MRRF: variants seen among roughly 807,000 people sequenced by gnomAD.
MRRF encodes ribosome-recycling factor, mitochondrial.
Under a neutral mutation model 25.1 loss-of-function variants are expected in MRRF, and 18 were observed. The ratio of observed to expected loss-of-function variants is 0.72; its 90% CI spans 0.50 to 1.06. The LOEUF (loss-of-function observed/expected upper bound fraction) is 1.06, where lower values mean the gene tolerates loss of function less well. Among genes scored for constraint, MRRF ranks in the 50% least tolerant of loss-of-function variants. The pLI is 0.00. For missense variants in MRRF, 323 were observed against 319.3 expected (o/e 1.01, Z -0.09); for synonymous variants, 113 against 112.1 (o/e 1.01, Z -0.05).
chr9:122,296,374 C>A (rs1413650670), intron 5 of MRRF, among the ~76,000 whole-genome samples: 1 of 152,114 alleles, frequency 6.6e-6, no homozygotes, highest in Non-Finnish European at 1.5e-5. Flanking sequence ...ATTTTAGGTA[C>A]CATTTATCAA....
At chr9:122,308,945 G>A (rs1835039930) in intron 5 of MRRF, among the ~76,000 whole-genome samples, 1 of 152,132 alleles carries the variant, frequency 6.6e-6, no homozygotes, top group South Asian at 2.1e-4. Flanking sequence ...TAAGTGTACA[G>A]TTCAGTGACA....
intron 1 of MRRF, among the ~76,000 whole-genome samples, chr9:122,267,551 C>T (rs1299237925): frequency 6.6e-6 from 1 of 152,136 alleles, no homozygotes; most frequent in African/African-American, 2.4e-5. Context: ...AGTGATCCTC[C>T]TTCCTTAGCA....
intron 1 of MRRF, among the ~76,000 whole-genome samples, chr9:122,270,506 A>G (rs1322718436): frequency 1.3e-5 from 2 of 152,178 alleles, no homozygotes; most frequent in African/African-American, 4.8e-5. Flanking sequence ...TTTAAACTTT[A>G]TCAAGATTTT....
chr9:122,313,486 T>A (rs1027489785), intron 6 of MRRF, 100 bp downstream of exon 6: 2 of 1,293,166 alleles, frequency 1.5e-6, no homozygotes, highest in Non-Finnish European at 2.2e-6. Flanking sequence ...ACCTCTGATC[T>A]TTCATTCACA....
chr9:122,295,009 A>G (rs1180961460), intron 5 of MRRF, among the ~76,000 whole-genome samples: 1 of 152,148 alleles, frequency 6.6e-6, no homozygotes, highest in Non-Finnish European at 1.5e-5. Context: ...GAAAAGTATA[A>G]TGGTTAAATT....
chr9:122,292,236 A>T (rs1833822566), intron 5 of MRRF, among the ~76,000 whole-genome samples: 1 of 152,186 alleles, frequency 6.6e-6, no homozygotes, highest in African/African-American at 2.4e-5. Flanking sequence ...TATGCAGGTA[A>T]CATTTTTGCT....
chr9:122,313,162 T>G, intron 5 of MRRF, 65 bp from the exon 6 acceptor site: 1 of 1,518,876 alleles, frequency 6.6e-7, no homozygotes. Context: ...CAGAGTGATG[T>G]TAAATTCTTG....
At chr9:122,295,978 A>AGTAT (rs1464405511) in intron 5 of MRRF, among the ~76,000 whole-genome samples, 1 of 152,170 alleles carries the variant, frequency 6.6e-6, no homozygotes, top group Admixed American at 6.5e-5. Flanking sequence ...GAGTCTACTG[A>AGTAT]GTATGTGACT....
At chr9:122,278,606 A>G (rs1411689834) in intron 2 of MRRF, among the ~76,000 whole-genome samples, 2 of 152,140 alleles carry the variant, frequency 1.3e-5, no homozygotes, top group African/African-American at 4.8e-5. Flanking sequence ...AAATATTACT[A>G]TTCATTCCAA....
chr9:122,274,936 A>G (rs1168902828), intron 2 of MRRF, among the ~76,000 whole-genome samples: 9 of 151,900 alleles, frequency 5.9e-5, no homozygotes, highest in South Asian at 2.1e-4. Flanking sequence ...TTCTGTTTCT[A>G]TCCTCTGAGT....
intron 5 of MRRF, among the ~76,000 whole-genome samples, chr9:122,311,630 G>GT (rs984683663): frequency 6.6e-6 from 1 of 151,950 alleles, no homozygotes; most frequent in African/African-American, 2.4e-5. Flanking sequence ...TTTAATGTAT[G>GT]TTTTTTCCTC....
chr9:122,324,305 A>C lies in MRRF; in HGVS notation c.*1688A>C, dbSNP rs182295781. 32 of 152,350 alleles carry C rather than the reference A, an allele frequency of 2.1e-4. No individual in the cohort carries two copies. Among genetic ancestry groups the C allele is most frequent in the Admixed American group, 7.2e-4 (11 of 15,312 alleles). The allele number at this position is 152,350 out of a possible 1,614,324, so 9.4% of individuals were successfully genotyped here. A position where few individuals can be genotyped will look rare whatever the true frequency, so the allele number is the denominator to read the frequency against. The stretch of plus-strand genomic sequence containing the variant: ...CTCAGGGAAACACGTTCACTGGTTT[A>C]TTATAAAAGATACAGCTGAACAGCC... On this transcript the variant is annotated 3_prime_UTR_variant, in exon 7 of 7. Coordinates refer to ENST00000344641, the MANE Select transcript of MRRF (RefSeq NM_138777.5).
intron 3 of MRRF, among the ~76,000 whole-genome samples, chr9:122,282,103 T>C (rs547970111): frequency 3.9e-5 from 6 of 152,314 alleles, no homozygotes; most frequent in African/African-American, 1.4e-4. Context: ...TGTATAGAAT[T>C]TGGGGCCATG....
intron 2 of MRRF, among the ~76,000 whole-genome samples, chr9:122,272,121 A>G (rs1564470544): frequency 1.3e-5 from 2 of 152,260 alleles, no homozygotes; most frequent in East Asian, 3.8e-4. Context: ...AAGGAATTAT[A>G]ATTTTCCATT....
chr9:122,288,772 AT>A (rs1014975653), intron 4 of MRRF, among the ~76,000 whole-genome samples: 2 of 152,218 alleles, frequency 1.3e-5, no homozygotes, highest in South Asian at 2.1e-4. Flanking sequence ...CAAAAGTCTT[AT>A]TTTTTTGTTG....
intron 2 of MRRF, among the ~76,000 whole-genome samples, chr9:122,278,247 A>C (rs1832896045): frequency 6.6e-6 from 1 of 152,192 alleles, no homozygotes; most frequent in Non-Finnish European, 1.5e-5. Flanking sequence ...GAAATAAAAA[A>C]ACCCTGTAGG....
intron 2 of MRRF, among the ~76,000 whole-genome samples, chr9:122,271,348 G>T (rs971468621): frequency 6.6e-6 from 1 of 152,196 alleles, no homozygotes; most frequent in Admixed American, 6.5e-5. Flanking sequence ...TAGAATTAAA[G>T]GTTTAAGTGC....
intron 3 of MRRF, 119 bp downstream of exon 3, chr9:122,280,717 T>TAG: frequency 1.1e-6 from 1 of 914,088 alleles, no homozygotes. Context: ...GCAGTTACTT[T>TAG]GCTTTTCTGG....
intron 4 of MRRF, among the ~76,000 whole-genome samples, chr9:122,286,957 T>C (rs531417789): frequency 6.6e-6 from 1 of 152,342 alleles, no homozygotes; most frequent in South Asian, 2.1e-4. Flanking sequence ...GCCACATTGG[T>C]CTTTCAGTTC....
Sources: gnomAD v4.1 joint callset for allele counts (sites outside exome capture counted in the v4.1 genomes callset) on GRCh38, gnomAD v4.1.1 for gene constraint, MANE v1.5 for transcripts, NCBI Gene and HGNC (gene_info 2026-07-23, HGNC 2026-07-21) for gene names.